The following NEURL1 variants were observed in gnomAD, a reference collection of about 807,000 sequenced individuals.
NEURL1 encodes neuralized E3 ubiquitin protein ligase 1.
In NEURL1, 26 loss-of-function variants were observed where a neutral mutation model predicts 41.2. That is an observed-to-expected ratio of 0.63 (90% CI 0.46 to 0.87). The LOEUF is 0.87. Among genes scored for constraint, NEURL1 ranks in the 40% least tolerant of loss-of-function variants. The pLI is 0.00. For missense variants in NEURL1, 761 were observed against 871.1 expected (o/e 0.87, Z 1.59); for synonymous variants, 400 against 402.3 (o/e 0.99, Z 0.07).
intron 1 of NEURL1, among the ~76,000 whole-genome samples, chr10:103,564,539 G>C (rs917678226): frequency 6.6e-6 from 1 of 152,216 alleles, no homozygotes; most frequent in Non-Finnish European, 1.5e-5. Context: ...TCTTGGACTC[G>C]TGGGGAAAAG....
chr10:103,533,630 G>A (rs1173956398), intron 1 of NEURL1, among the ~76,000 whole-genome samples: 3 of 151,532 alleles, frequency 2.0e-5, no homozygotes, highest in Non-Finnish European at 4.4e-5. Flanking sequence ...TCTGCCTCCT[G>A]GGTTCACACC....
intron 1 of NEURL1, among the ~76,000 whole-genome samples, chr10:103,567,534 G>A (rs1454869280): frequency 6.6e-6 from 1 of 152,028 alleles, no homozygotes; most frequent in Non-Finnish European, 1.5e-5. Flanking sequence ...CTGGGACTCA[G>A]TACAGGCAAG....
At chr10:103,568,597 A>AT (rs1186894421) in intron 1 of NEURL1, among the ~76,000 whole-genome samples, 1 of 152,146 alleles carries the variant, frequency 6.6e-6, no homozygotes, top group African/African-American at 2.4e-5. Context: ...AAAGTGTCCA[A>AT]TTTGATGAGT....
chr10:103,501,725 C>G (rs986130297), intron 1 of NEURL1, among the ~76,000 whole-genome samples: 10 of 151,732 alleles, frequency 6.6e-5, no homozygotes. Context: ...CTCTGCCTCC[C>G]GGGTTCAAGT....
In NEURL1 at chr10:103,584,698, G is replaced by A. The variant is rs752995755; in HGVS notation, c.812G>A (p.Cys271Tyr). 6.9e-7 allele frequency: 1 copy of A among 1,449,354 alleles called. No individual in the cohort carries two copies. The highest frequency in any genetic ancestry group is 9.0e-7 in the Non-Finnish European group (1 of 1,106,152). 89.8% of individuals were successfully genotyped at this position (1,449,354 alleles called of 1,614,324 possible). A position where few individuals can be genotyped will look rare whatever the true frequency, so the allele number is the denominator to read the frequency against. ...DGDEAAPAAG[C>Y]PIPQNSLNSQ... Reference sequence around the variant, plus strand: ...GACGAGGCCGCGCCGGCCGCCGGCTGCCCCATCCCGCAGAACTCACTCAAC... The same window carrying A: ...GACGAGGCCGCGCCGGCCGCCGGCTACCCCATCCCGCAGAACTCACTCAAC... The change falls in exon 4 of 6, where the codon TGC (cysteine) becomes TAC (tyrosine). Residue 271 changes from cysteine to tyrosine, a missense_variant. Cys to Tyr is a radical substitution (Grantham distance 194). Coordinates refer to ENST00000369780, the MANE Select transcript of NEURL1 (RefSeq NM_004210.5).
At chr10:103,526,070 T>A (rs1203785993) in intron 1 of NEURL1, among the ~76,000 whole-genome samples, 1 of 152,210 alleles carries the variant, frequency 6.6e-6, no homozygotes, top group Non-Finnish European at 1.5e-5. Context: ...GTATGTTGTA[T>A]CCCTGAGATA....
rs767025244 is a variant in NEURL1 at position 103,590,229 on chromosome 10, G to A, written c.1582G>A (p.Ala528Thr). Reference sequence around the variant, plus strand: ...TGAGTGCACCATTTGCTATGAACACGCGGTGGACACGGTCATCTACACATG... The same window carrying A: ...TGAGTGCACCATTTGCTATGAACACACGGTGGACACGGTCATCTACACATG... ...SDECTICYEH[A>T]VDTVIYTCGH... Residue 528 changes from alanine to threonine, a missense_variant, in exon 6 of 6, where the codon GCG (alanine) becomes ACG (threonine). Ala to Thr is a moderately conservative substitution (Grantham distance 58, BLOSUM62 0). Around this residue, in one of 5 missense-constraint regions of NEURL1, gnomAD observed 45 missense variants for 89.9 expected, o/e 0.50. Transcript: ENST00000369780. 6 of 1,613,964 alleles carry A rather than the reference G, an allele frequency of 3.7e-6. No individual in the cohort carries two copies. The highest frequency in any genetic ancestry group is 5.1e-6 in the Non-Finnish European group (6 of 1,179,968).
rs967292677 is a variant in NEURL1 at position 103,545,850 on chromosome 10, G to T, written c.86-25022G>T. Among the ~76,000 whole-genome samples, 3 of 152,210 alleles carry T rather than the reference G, an allele frequency of 2.0e-5. No homozygotes were observed. Among genetic ancestry groups the T allele is most frequent in the African/African-American group, 7.2e-5 (3 of 41,464 alleles). ...TTTTGGAGACGTGTGTGGTGCTGAAGCTCTGACCCCTAGTGTGGGAGTGGC... is the reference window on the plus strand; with the variant it reads ...TTTTGGAGACGTGTGTGGTGCTGAATCTCTGACCCCTAGTGTGGGAGTGGC... On this transcript the variant is annotated intron_variant, in intron 1 of 5. Coordinates refer to ENST00000369780, the MANE Select transcript of NEURL1 (RefSeq NM_004210.5). This position sits in a 1 kb window ranked among gnomAD's most constrained non-coding sequence, Gnocchi z 4.5.
chr10:103,583,705 C>CAAAAAAA (rs1228630032), intron 3 of NEURL1, among the ~76,000 whole-genome samples: 1 of 19,560 alleles, frequency 5.1e-5, no homozygotes, highest in Non-Finnish European at 8.9e-5. Context: ...GATCCTGTCT[C>CAAAAAAA]AAAAAAAAAA....
chr10:103,517,620 G>A (rs2034246525), intron 1 of NEURL1, among the ~76,000 whole-genome samples: 1 of 152,224 alleles, frequency 6.6e-6, no homozygotes, highest in African/African-American at 2.4e-5. Flanking sequence ...CTGGCTGTCT[G>A]TAATCAAGTC....
rs573599996 is a variant in NEURL1, at chr10:103,509,080, AATTAGCTGGGTGTGGT to A, written c.85+14609_85+14624del. Among the ~76,000 whole-genome samples, 640 of 152,032 alleles carry A rather than the reference AATTAGCTGGGTGTGGT, an allele frequency of 4.2e-3. 1 individual carries two copies. Among genetic ancestry groups the A allele is most frequent in the African/African-American group, 0.015 (618 of 41,480 alleles). On this transcript the variant is annotated intron_variant, in intron 1 of 5. Transcript: ENST00000369780. ...CCCATCTCTATTAAAAATACAAAAC[AATTAGCTGGGTGTGGT>A]GGCGCACACCTGTTAGTCCCAGCTA...
chr10:103,505,855 G>C (rs904720701), intron 1 of NEURL1, among the ~76,000 whole-genome samples: 1 of 152,222 alleles, frequency 6.6e-6, no homozygotes, highest in African/African-American at 2.4e-5. Context: ...GGAACTTTCA[G>C]CAGAAAATCA....
In NEURL1 at chr10:103,545,359, C is replaced by T. The variant is rs1265099099; in HGVS notation, c.86-25513C>T. Among the ~76,000 whole-genome samples, 2 of 152,194 alleles carry T rather than the reference C, an allele frequency of 1.3e-5. No homozygotes were observed. The highest frequency in any genetic ancestry group is 4.8e-5 in the African/African-American group (2 of 41,450). ...CCAGGTCTTTAGGGACTAAAAGCCCCTGTTTGTGGGGCTATGAGATGTGAG... is the reference window on the plus strand; with the variant it reads ...CCAGGTCTTTAGGGACTAAAAGCCCTTGTTTGTGGGGCTATGAGATGTGAG... On this transcript the variant is annotated intron_variant, in intron 1 of 5. Transcript: ENST00000369780. The surrounding 1 kb of genome is among the most constrained non-coding windows in gnomAD (Gnocchi z 4.5).
rs1307761845 is a variant in NEURL1 at position 103,585,173 on chromosome 10, G to T, written c.1287G>T (p.Pro429=). Residue 429 remains proline (P), a synonymous_variant, in exon 4 of 6, where the codon CCG becomes CCT. Coordinates refer to ENST00000369780, the MANE Select transcript of NEURL1 (RefSeq NM_004210.5). ...AGCTGTGCGTGGACGCCTCGCAGCC[G>T]CTTTGGATGCTCTTCGGCCTGCACG... ...GMQLCVDASQ[P]LWMLFGLHGT... 1 of 1,586,098 alleles carries T rather than the reference G, an allele frequency of 6.3e-7. No individual in the cohort carries two copies. Among genetic ancestry groups the T allele is most frequent in the Non-Finnish European group, 8.5e-7 (1 of 1,171,434 alleles).
At chr10:103,530,511 GT>G in intron 1 of NEURL1, among the ~76,000 whole-genome samples, 1 of 150,140 alleles carries the variant, frequency 6.7e-6, no homozygotes, top group Non-Finnish European at 1.5e-5. Flanking sequence ...CTGATTTCTA[GT>G]TTTGTTTAAT....
intron 4 of NEURL1, among the ~76,000 whole-genome samples, chr10:103,588,035 C>T (rs184269036): frequency 1.6e-3 from 236 of 152,080 alleles, no homozygotes; most frequent in Non-Finnish European, 2.4e-3. Flanking sequence ...CTGGGCGCGG[C>T]GGCTCACACC....
Position 103,571,762 on chromosome 10 carries a change from GC to G in NEURL1, c.591del (p.Asp198ThrfsTer53). The stretch of plus-strand genomic sequence containing the variant: ...GCTGTTCTTCAGCGGGGTCCGCACG[GC>G]CGACCCGCTCTGGGCCCTGGTGGAC... ...VMLFFSGVRT[A>X]DPLWALVDVY... On this transcript the variant is annotated frameshift_variant, in exon 3 of 6. Transcript: ENST00000369780. LOFTEE classifies it high-confidence loss of function. 6.2e-7 allele frequency: 1 copy of G among 1,613,782 alleles called. No homozygotes were observed. The highest frequency in any genetic ancestry group is 8.5e-7 in the Non-Finnish European group (1 of 1,179,922).
In NEURL1 at chr10:103,590,617, GTC is replaced by G. The variant is rs2036021474; in HGVS notation, c.*249_*250del. ...AGGCCGCACTCTCCCTGTCTCTCCCGTCTCTGCACCCAGCTCCTCTCTGCATG... is the reference window on the plus strand; with the variant it reads ...AGGCCGCACTCTCCCTGTCTCTCCCGTCTGCACCCAGCTCCTCTCTGCATG... On this transcript the variant is annotated 3_prime_UTR_variant, in exon 6 of 6. Coordinates refer to ENST00000369780, the MANE Select transcript of NEURL1 (RefSeq NM_004210.5). 3.6e-6 allele frequency: 2 copies of G among 554,294 alleles called. No homozygotes were observed. Among genetic ancestry groups the G allele is most frequent in the Non-Finnish European group, 6.5e-6 (2 of 308,916 alleles). The allele number at this position is 554,294 out of a possible 1,614,324, so 34.3% of individuals were successfully genotyped here. A position where few individuals can be genotyped will look rare whatever the true frequency, so the allele number is the denominator to read the frequency against.
chr10:103,539,726 A>G (rs746611523), intron 1 of NEURL1, among the ~76,000 whole-genome samples: 4 of 152,232 alleles, frequency 2.6e-5, no homozygotes, highest in East Asian at 1.9e-4. Context: ...AATGTGTCCA[A>G]TGAAAAGACC....
Sources: allele counts gnomAD v4.1 joint callset (sites outside exome capture counted in the v4.1 genomes callset), GRCh38; gene constraint gnomAD v4.1.1; regional missense constraint gnomAD v4.1.1; non-coding constraint Gnocchi (gnomAD v3.1); transcripts MANE v1.5; gene names NCBI Gene and HGNC (gene_info 2026-07-23, HGNC 2026-07-21).